The following NMT1 variants were observed in gnomAD, a reference collection of about 807,000 sequenced individuals.
NMT1 encodes the protein glycylpeptide N-tetradecanoyltransferase 1.
Under a neutral mutation model 63.4 loss-of-function variants are expected in NMT1, and 12 were observed. That is an observed-to-expected ratio of 0.19 (90% CI 0.12 to 0.31). The LOEUF (loss-of-function observed/expected upper bound fraction) is 0.31, where lower values mean the gene tolerates loss of function less well. Among genes scored for constraint, NMT1 ranks in the 10% least tolerant of loss-of-function variants. The probability of loss-of-function intolerance (pLI) is 1.00; values close to 1 mark genes in which losing one functional copy is unlikely to be tolerated. For missense variants in NMT1, 432 were observed against 634.6 expected, an observed-to-expected ratio of 0.68 and a Z score of 3.43; for synonymous variants, 228 against 234.3, an observed-to-expected ratio of 0.97 and a Z score of 0.25.
At chr17:45,078,201 T>G (rs1004408312) in intron 1 of NMT1, among the ~76,000 whole-genome samples, 33 of 152,184 alleles carry the variant, frequency 2.2e-4, no homozygotes, top group Non-Finnish European at 2.9e-5. Context: ...GCTTGATACC[T>G]TCCAAGTTAA....
intron 3 of NMT1, among the ~76,000 whole-genome samples, chr17:45,086,957 G>A (rs376599938): frequency 2.7e-5 from 4 of 150,704 alleles, no homozygotes; most frequent in African/African-American, 4.9e-5. Flanking sequence ...CCAAAAGTTC[G>A]AGACCAGCCT....
chr17:45,087,773 C>T (rs188106187), intron 3 of NMT1, among the ~76,000 whole-genome samples: 243 of 152,238 alleles, frequency 1.6e-3, no homozygotes, highest in Admixed American at 4.5e-3. Flanking sequence ...CTAGTATGTT[C>T]GGTGCAGAGG....
At chr17:45,079,137 T>C (rs1251482412) in intron 1 of NMT1, among the ~76,000 whole-genome samples, 1 of 151,344 alleles carries the variant, frequency 6.6e-6, no homozygotes, top group African/African-American at 2.4e-5. Flanking sequence ...GGAGTCTTGC[T>C]CTGTCGCCCA....
chr17:45,095,739 T>G (rs2054121140), intron 4 of NMT1, among the ~76,000 whole-genome samples: 1 of 152,030 alleles, frequency 6.6e-6, no homozygotes, highest in African/African-American at 2.4e-5. Context: ...ACCAGTGCAC[T>G]CCAGCCTGGG....
At chr17:45,091,417 G>A (rs1043320936) in intron 3 of NMT1, among the ~76,000 whole-genome samples, 3 of 152,162 alleles carry the variant, frequency 2.0e-5, no homozygotes, top group Non-Finnish European at 4.4e-5. Context: ...AGGAGTGAGT[G>A]AATGGAAGTG....
chr17:45,069,855 C>A (rs2053928451), intron 1 of NMT1, among the ~76,000 whole-genome samples: 1 of 151,352 alleles, frequency 6.6e-6, no homozygotes, highest in Non-Finnish European at 1.5e-5. Context: ...TGCACTCCAG[C>A]CTGGCAACAG....
chr17:45,078,217 C>T (rs1016706820), intron 1 of NMT1, among the ~76,000 whole-genome samples: 2 of 152,076 alleles, frequency 1.3e-5, no homozygotes, highest in African/African-American at 2.4e-5. Flanking sequence ...GTTAAGAAGC[C>T]GCTGTTACTC....
At chr17:45,093,840 G>A in intron 4 of NMT1, 37 bp downstream of exon 4, 3 of 1,538,550 alleles carry the variant, frequency 1.9e-6, no homozygotes, top group Non-Finnish European at 2.7e-6. Flanking sequence ...CTGCGGGTAG[G>A]AGCCACTTTC....
intron 8 of NMT1, among the ~76,000 whole-genome samples, chr17:45,100,422 C>A (rs1231099684): frequency 6.8e-6 from 1 of 146,150 alleles, no homozygotes; most frequent in South Asian, 2.2e-4. Context: ...AAAAATTAGC[C>A]AGTCGTGGTG....
chr17:45,093,539 C>T (rs2239921), intron 3 of NMT1, 146 bp from the exon 4 acceptor site: 570,915 of 613,418 alleles, frequency 0.93, 266,649 homozygotes, highest in African/African-American at 0.99. Flanking sequence ...GCTGGAAAGA[C>T]GGTTTGCAGT....
At chr17:45,063,095 C>T (rs2053878264) in intron 1 of NMT1, among the ~76,000 whole-genome samples, 1 of 150,986 alleles carries the variant, frequency 6.6e-6, no homozygotes, top group Non-Finnish European at 1.5e-5. Flanking sequence ...GTCCCAACTA[C>T]TCGGGAGGCT....
intron 4 of NMT1, 40 bp downstream of exon 4, chr17:45,093,843 C>G: frequency 6.6e-7 from 1 of 1,509,004 alleles, no homozygotes; most frequent in Non-Finnish European, 9.2e-7. Flanking sequence ...CGGGTAGGAG[C>G]CACTTTCACA....
intron 1 of NMT1, among the ~76,000 whole-genome samples, chr17:45,075,840 C>T (rs1325498135): frequency 6.6e-6 from 1 of 152,090 alleles, no homozygotes; most frequent in Non-Finnish European, 1.5e-5. Context: ...GCGGCTGAGG[C>T]AGGCAGATCA....
rs769058363 is a variant in NMT1, at chr17:45,105,571, T to C, written c.1471-48T>C. ...AGGGATAGGGGGTGTGGGAGAGTCT[T>C]TGGGCCACTGTCAACTCAGCTCTGC... On this transcript the variant is annotated intron_variant, in intron 11 of 11. Transcript: ENST00000258960. This position sits in a 1 kb window ranked among gnomAD's most constrained non-coding sequence, Gnocchi z 4.2. 10 of 1,610,242 alleles carry C rather than the reference T, an allele frequency of 6.2e-6. No individual in the cohort carries two copies. Among genetic ancestry groups the C allele is most frequent in the African/African-American group, 1.3e-5 (1 of 74,768 alleles).
intron 8 of NMT1, among the ~76,000 whole-genome samples, chr17:45,100,275 G>A (rs1046277845): frequency 1.3e-5 from 2 of 151,992 alleles, no homozygotes; most frequent in Non-Finnish European, 2.9e-5. Context: ...TTATAGAAAC[G>A]GGGTTTTGCT....
chr17:45,085,119 G>A (rs2054043806), intron 2 of NMT1, among the ~76,000 whole-genome samples: 1 of 152,024 alleles, frequency 6.6e-6, no homozygotes, highest in Non-Finnish European at 1.5e-5. Flanking sequence ...TGGGCCTGGT[G>A]GCACACGCCT....
rs760971342 is a variant in NMT1, at chr17:45,105,585, A to G, written c.1471-34A>G. The G allele has an allele frequency of 5.6e-6, 9 of 1,612,624 alleles. No homozygotes were observed. Among genetic ancestry groups the G allele is most frequent in the South Asian group, 1.1e-5 (1 of 90,828 alleles). On this transcript the variant is annotated intron_variant, in intron 11 of 11. Coordinates refer to ENST00000258960, the MANE Select transcript of NMT1 (RefSeq NM_021079.5). The surrounding 1 kb of genome is among the most constrained non-coding windows in gnomAD (Gnocchi z 4.2). ...TGGGAGAGTCTTTGGGCCACTGTCA[A>G]CTCAGCTCTGCCTCTCCCTGTTGGC...
chr17:45,081,292 C>G (rs1023323864), intron 1 of NMT1, among the ~76,000 whole-genome samples: 3 of 152,314 alleles, frequency 2.0e-5, no homozygotes, highest in East Asian at 1.9e-4. Context: ...ATTCAGAGTT[C>G]AAGGAAGTAT....
Position 45,105,470 on chromosome 17 carries a change from G to C in NMT1, c.1471-149G>C. The C allele has an allele frequency of 1.2e-6, 1 of 810,174 alleles. No homozygotes were observed. The highest frequency in any genetic ancestry group is 2.1e-6 in the Non-Finnish European group (1 of 480,748). The allele number at this position is 810,174 out of a possible 1,614,324, so 50.2% of individuals were successfully genotyped here. On this transcript the variant is annotated intron_variant, in intron 11 of 11. Transcript: ENST00000258960. The surrounding 1 kb of genome is among the most constrained non-coding windows in gnomAD (Gnocchi z 4.2). ...ACGTGTGAACCCTGGTGTGGAGGTT[G>C]AGTGTGGGGCCGGCTGGGTGTGAGT...
Sources: gnomAD v4.1 joint callset for allele counts (sites outside exome capture counted in the v4.1 genomes callset) on GRCh38, gnomAD v4.1.1 for gene constraint, Gnocchi (gnomAD v3.1) non-coding constraint, MANE v1.5 for transcripts, NCBI Gene and HGNC (gene_info 2026-07-23, HGNC 2026-07-21) for gene names.